Variants in CSMD3 observed in about 807,000 individuals in gnomAD.
The protein encoded by CSMD3 is CUB and Sushi multiple domains 3.
A neutral mutation model predicts 435.2 loss-of-function variants in CSMD3; 177 were observed. The ratio of observed to expected loss-of-function variants is 0.41; its 90% CI spans 0.36 to 0.46. The LOEUF (loss-of-function observed/expected upper bound fraction) is 0.46. Among genes scored for constraint, CSMD3 ranks in the 20% least tolerant of loss-of-function variants. The probability of loss-of-function intolerance (pLI) is 0.34; values close to 1 mark genes in which losing one functional copy is unlikely to be tolerated. For missense variants in CSMD3, 4,265 were observed against 4,504.6 expected, an observed-to-expected ratio of 0.95 and a Z score of 1.52; for synonymous variants, 1,656 against 1,520.5, an observed-to-expected ratio of 1.09 and a Z score of -2.07.
chr8:112,488,881 C>G (rs1032501510), intron 31 of CSMD3, among the ~76,000 whole-genome samples: 6 of 152,034 alleles, frequency 3.9e-5, no homozygotes, highest in African/African-American at 9.7e-5. Flanking sequence ...GAGGGGCCAT[C>G]ATAGCAATCA....
intron 3 of CSMD3, among the ~76,000 whole-genome samples, chr8:113,205,599 C>G (rs1170120967): frequency 6.6e-6 from 1 of 152,036 alleles, no homozygotes; most frequent in Admixed American, 6.6e-5. Flanking sequence ...GGACATATTC[C>G]CATCATTAAG....
At chr8:113,136,346 T>C (rs1564354620) in intron 4 of CSMD3, among the ~76,000 whole-genome samples, 1 of 151,838 alleles carries the variant, frequency 6.6e-6, no homozygotes, top group Non-Finnish European at 1.5e-5. Context: ...CTACTATTAA[T>C]ACATACTTAA....
intron 4 of CSMD3, among the ~76,000 whole-genome samples, chr8:113,159,708 AG>A (rs2092002362): frequency 6.6e-6 from 1 of 152,048 alleles, no homozygotes; most frequent in Non-Finnish European, 1.5e-5. Flanking sequence ...ACATCTCCAT[AG>A]AAATCCATTA....
At chr8:113,335,678 G>A (rs1459653148) in intron 1 of CSMD3, among the ~76,000 whole-genome samples, 6 of 149,882 alleles carry the variant, frequency 4.0e-5, no homozygotes, top group Admixed American at 3.4e-4. Context: ...ATATTACAAT[G>A]TTGTGAGTAA....
At chr8:113,258,663 G>A (rs761614199) in intron 3 of CSMD3, among the ~76,000 whole-genome samples, 7 of 152,102 alleles carry the variant, frequency 4.6e-5, no homozygotes, top group East Asian at 1.9e-4. Context: ...AGATGGAAGA[G>A]TAAATATTTA....
chr8:112,407,408 AT>A (rs1831953768), intron 34 of CSMD3, among the ~76,000 whole-genome samples: 1 of 151,972 alleles, frequency 6.6e-6, no homozygotes, highest in Non-Finnish European at 1.5e-5. Flanking sequence ...TGATAACAGG[AT>A]GTTTTTTCTT....
rs192248571 is a variant in CSMD3, at chr8:112,857,759, T to C, written c.1755+1386A>G. Among the ~76,000 whole-genome samples the C allele has an allele frequency of 2.3e-3, 354 of 151,040 alleles. 1 individual carries two copies. Among genetic ancestry groups the C allele is most frequent in the African/African-American group, 8.2e-3 (337 of 41,346 alleles). ...GGATTAAATAATTCATAAAAAGTGCTAGAAAAAAACTACTGAGAATAGTGT... is the reference window on the plus strand; with the variant it reads ...GGATTAAATAATTCATAAAAAGTGCCAGAAAAAAACTACTGAGAATAGTGT... On this transcript the variant is annotated intron_variant, in intron 11 of 70. Coordinates refer to ENST00000297405, the MANE Select transcript of CSMD3 (RefSeq NM_198123.2).
At chr8:112,747,074 A>G (rs2077443790) in intron 13 of CSMD3, among the ~76,000 whole-genome samples, 1 of 151,936 alleles carries the variant, frequency 6.6e-6, no homozygotes, top group South Asian at 2.1e-4. Flanking sequence ...CTACCCTTAA[A>G]ATTTCCATAT....
At chr8:112,568,633 G>C (rs1320620543) in intron 24 of CSMD3, among the ~76,000 whole-genome samples, 1 of 151,962 alleles carries the variant, frequency 6.6e-6, no homozygotes, top group African/African-American at 2.4e-5. Context: ...TGTCTAGTGT[G>C]GTATGGTATT....
chr8:112,403,699 G>T (rs1255476805), intron 35 of CSMD3, among the ~76,000 whole-genome samples: 1 of 151,900 alleles, frequency 6.6e-6, no homozygotes, highest in Non-Finnish European at 1.5e-5. Context: ...CCTTCCAAAG[G>T]CCCCACTTCT....
chr8:112,998,522 CT>C (rs1259107412), intron 6 of CSMD3, among the ~76,000 whole-genome samples: 2 of 151,954 alleles, frequency 1.3e-5, no homozygotes, highest in African/African-American at 4.8e-5. Flanking sequence ...ACATTCTTCT[CT>C]TCCCTCTTCA....
intron 32 of CSMD3, among the ~76,000 whole-genome samples, chr8:112,464,767 C>T (rs1419539259): frequency 2.0e-5 from 3 of 152,216 alleles, no homozygotes; most frequent in South Asian, 2.1e-4. Flanking sequence ...ACTTAGCAAA[C>T]CTTCATGGCC....
chr8:112,597,263 C>G (rs903381018), intron 22 of CSMD3, among the ~76,000 whole-genome samples: 64 of 152,254 alleles, frequency 4.2e-4, no homozygotes, highest in Non-Finnish European at 8.1e-4. Flanking sequence ...ACTAGAAAAT[C>G]TAGAAGAAAT....
At chr8:112,741,950 C>T (rs2077322032) in intron 13 of CSMD3, among the ~76,000 whole-genome samples, 1 of 151,760 alleles carries the variant, frequency 6.6e-6, no homozygotes, top group Non-Finnish European at 1.5e-5. Context: ...GAGTGGTCTT[C>T]AAGCAAAGAA....
At chr8:113,284,175 C>G (rs2132488568) in intron 2 of CSMD3, among the ~76,000 whole-genome samples, 1 of 152,098 alleles carries the variant, frequency 6.6e-6, no homozygotes, top group Non-Finnish European at 1.5e-5. Context: ...TCACAAATCA[C>G]CACTAAAGAA....
chr8:112,772,368 G>A (rs1258780181), intron 13 of CSMD3, among the ~76,000 whole-genome samples: 1 of 152,078 alleles, frequency 6.6e-6, no homozygotes, highest in Non-Finnish European at 1.5e-5. Context: ...ATTAAGGGCT[G>A]TGCAGGGTGT....
In CSMD3 at chr8:112,224,913, T is replaced by G. The variant is rs760521590; in HGVS notation, c.10982A>C (p.Gln3661Pro). The G allele has an allele frequency of 9.9e-6, 16 of 1,613,956 alleles. No homozygotes were observed. The highest frequency in any genetic ancestry group is 1.4e-5 in the Non-Finnish European group (16 of 1,179,916). ...TTCATGAACTGAACATCCTGTATACTGTGTTTTAGGTGCAGTCCTGTTGAT... is the reference window on the plus strand; with the variant it reads ...TTCATGAACTGAACATCCTGTATACGGTGTTTTAGGTGCAGTCCTGTTGAT... ...LYKQRTAPKTQYTGCSVHENN... is the reference protein window; with the variant it reads ...LYKQRTAPKTPYTGCSVHENN... The change falls in exon 71 of 71, where the codon CAG becomes CCG. Residue 3661 changes from glutamine to proline, a missense_variant. Physicochemically the swap from Gln to Pro is moderately conservative, Grantham distance 76 (BLOSUM62 -1). Transcript: ENST00000297405.
At chr8:113,170,719 A>G (rs1294514654) in intron 4 of CSMD3, among the ~76,000 whole-genome samples, 1 of 152,146 alleles carries the variant, frequency 6.6e-6, no homozygotes, top group Non-Finnish European at 1.5e-5. Context: ...CAATCTTTTG[A>G]TTCTCAGCAC....
intron 10 of CSMD3, among the ~76,000 whole-genome samples, chr8:112,865,247 C>T (rs1272402258): frequency 6.6e-6 from 1 of 152,138 alleles, no homozygotes. Flanking sequence ...GTTTCAACTA[C>T]ACAAGTAAGA....
Sources: allele counts gnomAD v4.1 joint callset (sites outside exome capture counted in the v4.1 genomes callset), GRCh38; gene constraint gnomAD v4.1.1; transcripts MANE v1.5; gene names NCBI Gene and HGNC (gene_info 2026-07-23, HGNC 2026-07-21).